The following FBXL7 variants were observed in gnomAD, a reference collection of about 807,000 sequenced individuals.
FBXL7 encodes F-box and leucine rich repeat protein 7, also known as F-box/LRR-repeat protein 7.
In FBXL7, 12 loss-of-function variants were observed where a neutral mutation model predicts 38.3. The ratio of observed to expected loss-of-function variants is 0.31; its 90% confidence interval spans 0.20 to 0.51. The LOEUF (loss-of-function observed/expected upper bound fraction) is 0.51, where lower values mean the gene tolerates loss of function less well. Among genes scored for constraint, FBXL7 ranks in the 20% least tolerant of loss-of-function variants. FBXL7 has a pLI of 0.98. For missense variants in FBXL7, 567 were observed against 676.4 expected (o/e 0.84, Z 1.79); for synonymous variants, 297 against 300.9 (o/e 0.99, Z 0.13).
At chr5:15,932,052 T>A (rs1742050868) in intron 3 of FBXL7, among the ~76,000 whole-genome samples, 1 of 152,204 alleles carries the variant, frequency 6.6e-6, no homozygotes, top group African/African-American at 2.4e-5. Flanking sequence ...TGCACTTTTA[T>A]GACATTGTAA....
At chr5:15,510,486 T>G (rs1415120428) in intron 1 of FBXL7, among the ~76,000 whole-genome samples, 1 of 152,092 alleles carries the variant, frequency 6.6e-6, no homozygotes, top group Non-Finnish European at 1.5e-5. Flanking sequence ...GGGCAGGTCT[T>G]AACACATTCC....
chr5:15,640,918 C>A (rs1260116702), intron 2 of FBXL7, among the ~76,000 whole-genome samples: 2 of 152,158 alleles, frequency 1.3e-5, no homozygotes, highest in Non-Finnish European at 2.9e-5. Flanking sequence ...CCTTTGCCTT[C>A]CTCACCTGCA....
At chr5:15,552,827 T>C (rs891846033) in intron 1 of FBXL7, among the ~76,000 whole-genome samples, 1 of 152,214 alleles carries the variant, frequency 6.6e-6, no homozygotes, top group Non-Finnish European at 1.5e-5. Flanking sequence ...CTCACGCCTA[T>C]AATCCCAGCA....
At chr5:15,600,480 A>G (rs1457014335) in intron 1 of FBXL7, among the ~76,000 whole-genome samples, 3 of 151,960 alleles carry the variant, frequency 2.0e-5, no homozygotes, top group African/African-American at 7.3e-5. Flanking sequence ...TTCATTTGGT[A>G]GGGGGCCTTA....
At position 15,526,524 on chromosome 5, in the gene FBXL7, T is replaced by C. The variant is rs1447676575; in HGVS notation, c.37+25811T>C. Among the ~76,000 whole-genome samples the C allele has an allele frequency of 2.6e-5, 4 of 152,270 alleles. No homozygotes were observed. The East Asian group carries it at 7.7e-4, about 29-fold the overall frequency. On this transcript the variant is annotated intron_variant, in intron 1 of 3. Coordinates refer to ENST00000504595, the MANE Select transcript of FBXL7 (RefSeq NM_012304.5). ...TGATGAAGAAGCCATTTAATCAGTG[T>C]AAAACAGTGAGTATCTCATGTCAGA... is the stretch of plus-strand genomic sequence containing the variant.
intron 2 of FBXL7, among the ~76,000 whole-genome samples, chr5:15,917,003 A>G (rs1481828385): frequency 6.6e-6 from 1 of 152,106 alleles, no homozygotes; most frequent in Admixed American, 6.5e-5. Flanking sequence ...CTGCCTAAAT[A>G]CTCTGTGAAG....
At chr5:15,620,406 GTTT>G (rs368712808) in intron 2 of FBXL7, among the ~76,000 whole-genome samples, 5,698 of 116,606 alleles carry the variant, frequency 0.049, 179 homozygotes, top group East Asian at 0.12. Flanking sequence ...CTAATTTTTT[GTTT>G]TTTGTTTTTT....
chr5:15,890,959 GA>G (rs74311286), intron 2 of FBXL7, among the ~76,000 whole-genome samples: 80,727 of 151,624 alleles, frequency 0.53, 22,701 homozygotes, highest in Non-Finnish European at 0.63. Context: ...TAGATAATTA[GA>G]AAAAAAAACT....
At chr5:15,552,706 A>G (rs1283899664) in intron 1 of FBXL7, among the ~76,000 whole-genome samples, 1 of 152,210 alleles carries the variant, frequency 6.6e-6, no homozygotes, top group Non-Finnish European at 1.5e-5. Flanking sequence ...GGCAGGCATG[A>G]TATTTTCAAA....
rs577718076 is a variant in FBXL7 at position 15,904,432 on chromosome 5, AG to A, written c.128-23457del. On this transcript the variant is annotated intron_variant, in intron 2 of 3. Transcript: ENST00000504595. ...TTTGTGGATTTTGTGGCAAAAGCAG[AG>A]ATTCCTTGCTATGATTATTAGATAG... Among the ~76,000 whole-genome samples the A allele has an allele frequency of 3.9e-4, 59 of 152,308 alleles. 1 individual carries two copies. In the East Asian group the frequency reaches 0.01, roughly 26 times the overall value.
chr5:15,730,955 T>C (rs1735563389), intron 2 of FBXL7, among the ~76,000 whole-genome samples: 1 of 152,188 alleles, frequency 6.6e-6, no homozygotes, highest in African/African-American at 2.4e-5. Context: ...TCCATGCCTA[T>C]CATGAAGATG....
Position 15,936,755 on chromosome 5 carries a change from G to A in FBXL7, c.1045G>A (p.Glu349Lys). ...DFGLREIAKL[E>K]SRLRYLSIAH... ...CGGCCTGCGGGAGATCGCCAAGCTG[G>A]AGTCCCGCCTGCGGTACCTGAGCAT... is the stretch of plus-strand genomic sequence containing the variant. The change falls in exon 4 of 4, where the codon GAG (glutamate) becomes AAG (lysine). Residue 349 changes from glutamate (E) to lysine (K), a missense_variant. Glu to Lys is a moderately conservative substitution (Grantham distance 56). Coordinates refer to ENST00000504595, the MANE Select transcript of FBXL7 (RefSeq NM_012304.5). The surrounding 1 kb of genome is among the most constrained non-coding windows in gnomAD (Gnocchi z 6.0). 1 of 1,610,174 alleles carries A rather than the reference G, an allele frequency of 6.2e-7. No individual in the cohort carries two copies. The highest frequency in any genetic ancestry group is 8.5e-7 in the Non-Finnish European group (1 of 1,179,288).
chr5:15,638,446 T>C (rs1252782080), intron 2 of FBXL7, among the ~76,000 whole-genome samples: 1 of 152,184 alleles, frequency 6.6e-6, no homozygotes, highest in Non-Finnish European at 1.5e-5. Context: ...AAATCCCGGC[T>C]CCACCCTAGG....
At chr5:15,787,860 T>C (rs1251183183) in intron 2 of FBXL7, among the ~76,000 whole-genome samples, 1 of 152,128 alleles carries the variant, frequency 6.6e-6, no homozygotes, top group Non-Finnish European at 1.5e-5. Context: ...CCTGTCTTAA[T>C]TTCCTAGGGC....
chr5:15,808,350 C>G (rs1579481063), intron 2 of FBXL7, among the ~76,000 whole-genome samples: 1 of 152,012 alleles, frequency 6.6e-6, no homozygotes, highest in African/African-American at 2.4e-5. Flanking sequence ...GAAAAAAATT[C>G]ATATATAAAA....
chr5:15,915,421 A>T (rs776047657), intron 2 of FBXL7, among the ~76,000 whole-genome samples: 4 of 151,984 alleles, frequency 2.6e-5, no homozygotes, highest in African/African-American at 4.8e-5. Context: ...TTGCAGTGTA[A>T]CTCTAGTTTC....
At chr5:15,927,159 C>CT (rs1741896466) in intron 2 of FBXL7, among the ~76,000 whole-genome samples, 2 of 151,990 alleles carry the variant, frequency 1.3e-5, no homozygotes, top group African/African-American at 2.4e-5. Context: ...AGCTGGTCTG[C>CT]TTTTATAAAT....
chr5:15,843,397 CCT>C (rs1280771806), intron 2 of FBXL7, among the ~76,000 whole-genome samples: 1 of 152,140 alleles, frequency 6.6e-6, no homozygotes, highest in Admixed American at 6.5e-5. Flanking sequence ...ATAGATTTCA[CCT>C]CTGTTTTTCA....
rs959430392 is a variant in FBXL7, at chr5:15,872,379, C to T, written c.128-55511C>T. On this transcript the variant is annotated intron_variant, in intron 2 of 3. Transcript: ENST00000504595. The stretch of plus-strand genomic sequence containing the variant: ...GAAGCTGCATCAACTAGCCAGCTAG[C>T]ATCATAATGACAGGATCAAGTTCAC... 6.6e-5 allele frequency among the ~76,000 whole-genome samples: 10 copies of T among 152,230 alleles called. No individual in the cohort carries two copies. In the East Asian group the frequency reaches 7.7e-4, roughly 12 times the overall value.
Sources: gnomAD v4.1 joint callset for allele counts (sites outside exome capture counted in the v4.1 genomes callset) on GRCh38, gnomAD v4.1.1 for gene constraint, Gnocchi (gnomAD v3.1) non-coding constraint, MANE v1.5 for transcripts, NCBI Gene and HGNC (gene_info 2026-07-23, HGNC 2026-07-21) for gene names.